NELL2: variants seen among roughly 807,000 people sequenced by gnomAD.
The protein encoded by NELL2 is protein kinase C-binding protein NELL2.
A neutral mutation model predicts 109.6 loss-of-function variants in NELL2; 41 were observed. That is an observed-to-expected ratio of 0.37 (90% CI 0.29 to 0.49). The LOEUF (loss-of-function observed/expected upper bound fraction) is 0.49. NELL2 is among the 20% of genes least tolerant of loss of function. The pLI is 0.98. For missense variants in NELL2, 900 were observed against 1,008.3 expected, an observed-to-expected ratio of 0.89 and a Z score of 1.45; for synonymous variants, 355 against 344.7, an observed-to-expected ratio of 1.03 and a Z score of -0.33.
intron 1 of NELL2, among the ~76,000 whole-genome samples, chr12:44,884,377 T>A (rs1269766225): frequency 1.3e-5 from 2 of 151,908 alleles, no homozygotes; most frequent in Non-Finnish European, 2.9e-5. Context: ...AGTAGACAGA[T>A]CCACAATTCC....
upstream of NELL2, among the ~76,000 whole-genome samples, chr12:44,878,503 G>T (rs988758869): frequency 6.6e-5 from 10 of 152,152 alleles, no homozygotes. Context: ...TATTGGGGCT[G>T]TCCTGTGCCT....
At chr12:44,883,314 A>G (rs1217255635) in intron 1 of NELL2, among the ~76,000 whole-genome samples, 10 of 152,114 alleles carry the variant, frequency 6.6e-5, no homozygotes, top group African/African-American at 2.4e-4. Flanking sequence ...TCCTTGGCTC[A>G]TTGCCCCCTC....
chr12:44,580,514 C>T (rs112777706), intron 15 of NELL2, among the ~76,000 whole-genome samples: 9,710 of 152,050 alleles, frequency 0.064, 979 homozygotes, highest in African/African-American at 0.22. Context: ...CTCGGGAGTT[C>T]GAAACCAGCC....
At chr12:44,537,166 A>G (rs550005876) in intron 15 of NELL2, among the ~76,000 whole-genome samples, 1 of 152,216 alleles carries the variant, frequency 6.6e-6, no homozygotes, top group Admixed American at 6.5e-5. Flanking sequence ...TTCAGAGGCA[A>G]TCAACTGACA....
intron 13 of NELL2, among the ~76,000 whole-genome samples, chr12:44,629,921 A>G (rs531174346): frequency 1.3e-5 from 2 of 152,288 alleles, no homozygotes; most frequent in East Asian, 3.9e-4. Context: ...CCTTCTGAAG[A>G]CATTTCCAAG....
At chr12:44,634,948 G>T (rs114475851) in intron 13 of NELL2, among the ~76,000 whole-genome samples, 230 of 152,236 alleles carry the variant, frequency 1.5e-3, no homozygotes, top group African/African-American at 5.2e-3. Context: ...CAAAGAACAT[G>T]AACTCATCCT....
chr12:44,701,188 T>C (rs775287958), intron 12 of NELL2, among the ~76,000 whole-genome samples: 10 of 152,046 alleles, frequency 6.6e-5, no homozygotes, highest in Admixed American at 1.3e-4. Flanking sequence ...CCATATTTGA[T>C]AAGAATTATT....
chr12:44,885,896 G>T (rs1413837121), intron 1 of NELL2, among the ~76,000 whole-genome samples: 1 of 151,630 alleles, frequency 6.6e-6, no homozygotes, highest in Admixed American at 6.6e-5. Flanking sequence ...TAAAGCTATA[G>T]AAATCAAGAC....
intron 13 of NELL2, among the ~76,000 whole-genome samples, chr12:44,619,265 TG>T (rs1945952877): frequency 6.6e-6 from 1 of 152,124 alleles, no homozygotes; most frequent in South Asian, 2.1e-4. Context: ...TGGCAGATGG[TG>T]ATGACTAAAA....
chr12:44,592,450 T>A (rs1228305487), intron 15 of NELL2, among the ~76,000 whole-genome samples: 1 of 152,176 alleles, frequency 6.6e-6, no homozygotes, highest in African/African-American at 2.4e-5. Context: ...TGTTTCCCTC[T>A]TCCCAGAGCA....
At chr12:44,876,837 C>A, upstream of NELL2, 1 of 1,322,916 alleles carries the variant, frequency 7.6e-7, no homozygotes, top group Non-Finnish European at 9.7e-7. Flanking sequence ...TGGAGCTGGG[C>A]AAAGTAGGTA....
At chr12:44,662,347 T>C (rs991648072) in intron 13 of NELL2, among the ~76,000 whole-genome samples, 1 of 152,192 alleles carries the variant, frequency 6.6e-6, no homozygotes, top group Admixed American at 6.5e-5. Flanking sequence ...CTACATAAAA[T>C]ATGAATCATT....
upstream of NELL2, among the ~76,000 whole-genome samples, chr12:44,914,911 G>A (rs1021885354): frequency 5.3e-5 from 8 of 151,770 alleles, no homozygotes; most frequent in Non-Finnish European, 1.0e-4. Flanking sequence ...GTGCAGTGGC[G>A]TGATCTCGGC....
chr12:44,520,705 C>T (rs888047314), intron 18 of NELL2, among the ~76,000 whole-genome samples: 1 of 151,286 alleles, frequency 6.6e-6, no homozygotes, highest in Admixed American at 6.6e-5. Flanking sequence ...TTTCTTTGTT[C>T]ATTTATATAT....
At chr12:44,789,693 G>A (rs1417120714) in intron 3 of NELL2, among the ~76,000 whole-genome samples, 1 of 151,962 alleles carries the variant, frequency 6.6e-6, no homozygotes, top group Non-Finnish European at 1.5e-5. Flanking sequence ...ACCAGAGAAA[G>A]ACAAAGCCCA....
At chr12:44,769,108 T>A (rs983332974) in intron 9 of NELL2, among the ~76,000 whole-genome samples, 2 of 152,128 alleles carry the variant, frequency 1.3e-5, no homozygotes, top group Admixed American at 1.3e-4. Context: ...ATCATCCAAT[T>A]TTTAAAATCA....
At chr12:44,849,347 A>G (rs1309539786) in intron 2 of NELL2, among the ~76,000 whole-genome samples, 2 of 152,212 alleles carry the variant, frequency 1.3e-5, no homozygotes, top group Non-Finnish European at 2.9e-5. Context: ...AAAAATAAAA[A>G]GATGCAAATC....
chr12:44,768,496 A>G (rs988467229), intron 9 of NELL2, among the ~76,000 whole-genome samples: 1 of 149,160 alleles, frequency 6.7e-6, no homozygotes, highest in African/African-American at 2.5e-5. Context: ...TTTGTCACAT[A>G]TACCTATAGA....
At chr12:44,878,140 T>A (rs1053113284), upstream of NELL2, among the ~76,000 whole-genome samples, 5 of 152,156 alleles carry the variant, frequency 3.3e-5, no homozygotes, top group African/African-American at 1.2e-4. Context: ...CTCATGAAAG[T>A]AGGGATACTC....
Sources: allele counts gnomAD v4.1 joint callset (sites outside exome capture counted in the v4.1 genomes callset), GRCh38; gene constraint gnomAD v4.1.1; transcripts MANE v1.5; gene names NCBI Gene and HGNC (gene_info 2026-07-23, HGNC 2026-07-21).